RIC1: variants seen among roughly 807,000 people sequenced by gnomAD.
RIC1 encodes the protein RIC1 partner of RAB6A GEF complex, also known as guanine nucleotide exchange factor subunit RIC1.
Under a neutral mutation model 169.0 loss-of-function variants are expected in RIC1, and 88 were observed. The ratio of observed to expected loss-of-function variants is 0.52; its 90% CI spans 0.44 to 0.62. The LOEUF is 0.62. Ranked by LOEUF, RIC1 falls within the 20% of genes least tolerant of loss-of-function variation. RIC1 has a pLI of 0.00. For missense variants in RIC1, 1,877 were observed against 1,725.5 expected (o/e 1.09, Z -1.56); for synonymous variants, 790 against 601.5 (o/e 1.31, Z -4.59).
intron 8 of RIC1, among the ~76,000 whole-genome samples, chr9:5,741,846 G>A (rs532562568): frequency 6.1e-4 from 93 of 152,186 alleles, no homozygotes; most frequent in Non-Finnish European, 1.2e-3. Context: ...ACTGAGAGCC[G>A]ATTGTTTTCC....
At position 5,763,959 on chromosome 9, in the gene RIC1, T is replaced by A; in HGVS notation, c.2841+91T>A. 7.2e-7 allele frequency: 1 copy of A among 1,395,418 alleles called. No homozygotes were observed. The highest frequency in any genetic ancestry group is 9.7e-7 in the Non-Finnish European group (1 of 1,030,324). The allele number at this position is 1,395,418 out of a possible 1,614,324, so 86.4% of individuals were successfully genotyped here. A position where few individuals can be genotyped will look rare whatever the true frequency, so the allele number is the denominator to read the frequency against. ...CCTGTTTTGACACCATGATTGTGTT[T>A]AAGGAATTCATAGTCAAATTTTCTG... On this transcript the variant is annotated intron_variant, in intron 19 of 25. Transcript: ENST00000414202. The surrounding 1 kb of genome is among the most constrained non-coding windows in gnomAD (Gnocchi z 5.2).
intron 2 of RIC1, among the ~76,000 whole-genome samples, chr9:5,684,302 G>T (rs56192624): frequency 6.7e-5 from 1 of 14,952 alleles, no homozygotes; most frequent in Non-Finnish European, 1.5e-4. Context: ...CCCCCCCCCC[G>T]CCATCTCATC....
chr9:5,640,300 C>T (rs528541282), intron 1 of RIC1, among the ~76,000 whole-genome samples: 174 of 152,206 alleles, frequency 1.1e-3, no homozygotes, highest in African/African-American at 3.9e-3. Flanking sequence ...TTTAAACTCA[C>T]GACAACTTAA....
chr9:5,681,043 G>A (rs1343868572), intron 2 of RIC1, among the ~76,000 whole-genome samples: 1 of 151,134 alleles, frequency 6.6e-6, no homozygotes, highest in African/African-American at 2.4e-5. Context: ...AGCCAGGATG[G>A]TCTCGATCTC....
chr9:5,745,901 A>G, intron 10 of RIC1, 30 bp from the exon 11 acceptor site: 1 of 1,587,616 alleles, frequency 6.3e-7, no homozygotes. Context: ...TATTGCTCTG[A>G]CTTTTTTTCT....
At chr9:5,746,590 A>T (rs545511414) in intron 11 of RIC1, among the ~76,000 whole-genome samples, 5 of 152,244 alleles carry the variant, frequency 3.3e-5, no homozygotes, top group African/African-American at 1.2e-4. Flanking sequence ...ATGCTTATTT[A>T]ACTGTGAATT....
At chr9:5,663,994 G>T (rs753185096) in intron 2 of RIC1, among the ~76,000 whole-genome samples, 1 of 152,122 alleles carries the variant, frequency 6.6e-6, no homozygotes, top group South Asian at 2.1e-4. Flanking sequence ...TGCAAAGCAG[G>T]TCTGATGGTT....
chr9:5,641,855 A>G (rs549992855), intron 1 of RIC1, among the ~76,000 whole-genome samples: 3 of 144,364 alleles, frequency 2.1e-5, no homozygotes, highest in Admixed American at 1.3e-4. Flanking sequence ...ACTTTCCTCA[A>G]CATAGCTATT....
At chr9:5,731,660 G>T (rs1298795309) in intron 6 of RIC1, among the ~76,000 whole-genome samples, 1 of 152,098 alleles carries the variant, frequency 6.6e-6, no homozygotes, top group Non-Finnish European at 1.5e-5. Flanking sequence ...TCTATATATG[G>T]AGATGGCATA....
At chr9:5,686,425 C>T (rs941823252) in intron 2 of RIC1, among the ~76,000 whole-genome samples, 26 of 152,046 alleles carry the variant, frequency 1.7e-4, no homozygotes, top group East Asian at 3.9e-4. Flanking sequence ...GGCACATATA[C>T]ACCATGGAAT....
At chr9:5,733,394 G>T (rs536654808) in intron 7 of RIC1, among the ~76,000 whole-genome samples, 3 of 151,638 alleles carry the variant, frequency 2.0e-5, no homozygotes, top group African/African-American at 7.3e-5. Flanking sequence ...CTCCCGAGTA[G>T]CTGGGACTGC....
intron 10 of RIC1, among the ~76,000 whole-genome samples, chr9:5,745,372 G>A (rs1266228649): frequency 6.6e-6 from 1 of 152,122 alleles, no homozygotes; most frequent in Non-Finnish European, 1.5e-5. Flanking sequence ...TGGTTCTGGA[G>A]GAATTTATTT....
chr9:5,661,882 TGA>T (rs1489145755), intron 2 of RIC1, among the ~76,000 whole-genome samples: 1 of 152,222 alleles, frequency 6.6e-6, no homozygotes, highest in African/African-American at 2.4e-5. Context: ...ATAGGACTGG[TGA>T]GAGAGGGCAT....
intron 8 of RIC1, 33 bp from the exon 9 acceptor site, chr9:5,742,832 CTATT>C: frequency 1.4e-6 from 2 of 1,429,504 alleles, no homozygotes; most frequent in Non-Finnish European, 9.5e-7. Context: ...TCTGAAGCAA[CTATT>C]TATTTTTAAC....
At chr9:5,680,814 G>GTTTTTTT (rs1309041549) in intron 2 of RIC1, among the ~76,000 whole-genome samples, 2 of 66,766 alleles carry the variant, frequency 3.0e-5, no homozygotes, top group Non-Finnish European at 3.1e-5. Context: ...TGCAGTCATT[G>GTTTTTTT]ATTTTTTTTT....
intron 3 of RIC1, among the ~76,000 whole-genome samples, chr9:5,698,135 C>T (rs937941481): frequency 6.6e-6 from 1 of 152,198 alleles, no homozygotes; most frequent in African/African-American, 2.4e-5. Context: ...GCACTTAAAG[C>T]ATTTGGTATC....
intron 3 of RIC1, chr9:5,712,765 A>G (rs1480331232): frequency 6.6e-6 from 1 of 152,254 alleles, no homozygotes; most frequent in Non-Finnish European, 1.5e-5. Flanking sequence ...TGTGACTCCT[A>G]TAAACTAATT....
At chr9:5,682,032 T>A (rs982086816) in intron 2 of RIC1, among the ~76,000 whole-genome samples, 9 of 152,334 alleles carry the variant, frequency 5.9e-5, no homozygotes, top group African/African-American at 2.2e-4. Flanking sequence ...TCCATCCCTT[T>A]ATTTTGAGCC....
At chr9:5,686,844 G>T (rs899337584) in intron 2 of RIC1, among the ~76,000 whole-genome samples, 4 of 152,066 alleles carry the variant, frequency 2.6e-5, no homozygotes, top group Admixed American at 1.3e-4. Context: ...GTCTGGTTTT[G>T]TTATGAGGCC....
Sources: allele counts gnomAD v4.1 joint callset (sites outside exome capture counted in the v4.1 genomes callset), GRCh38; gene constraint gnomAD v4.1.1; non-coding constraint Gnocchi (gnomAD v3.1); transcripts MANE v1.5; gene names NCBI Gene and HGNC (gene_info 2026-07-23, HGNC 2026-07-21).